Variants in GNAQ observed in about 807,000 individuals in gnomAD.
The protein encoded by GNAQ is guanine nucleotide-binding protein G(q) subunit alpha.
In GNAQ, 8 loss-of-function variants were observed where a neutral mutation model predicts 43.9. The ratio of observed to expected loss-of-function variants is 0.18; its 90% confidence interval spans 0.11 to 0.33. The LOEUF (loss-of-function observed/expected upper bound fraction) is 0.33, where lower values mean the gene tolerates loss of function less well. GNAQ is among the 10% of genes least tolerant of loss of function. The probability of loss-of-function intolerance (pLI) is 1.00; values close to 1 mark genes in which losing one functional copy is unlikely to be tolerated. For missense variants in GNAQ, 158 were observed against 450.8 expected (o/e 0.35, Z 5.88); for synonymous variants, 155 against 170.7 (o/e 0.91, Z 0.71).
chr9:77,765,622 G>A (rs190661440), intron 5 of GNAQ, among the ~76,000 whole-genome samples: 2 of 152,318 alleles, frequency 1.3e-5, no homozygotes, highest in East Asian at 3.9e-4. Flanking sequence ...TGTTGGCAAG[G>A]ATGTAGAGAA....
intron 2 of GNAQ, among the ~76,000 whole-genome samples, chr9:77,843,663 T>C (rs1033836367): frequency 5.3e-5 from 8 of 152,310 alleles, no homozygotes; most frequent in Admixed American, 3.9e-4. Flanking sequence ...TATTCTGAAA[T>C]TGGCTTTCGA....
intron 1 of GNAQ, among the ~76,000 whole-genome samples, chr9:77,986,867 T>G (rs1823445402): frequency 3.3e-5 from 5 of 150,790 alleles, no homozygotes; most frequent in Admixed American, 3.3e-4. Context: ...TTAAATTATT[T>G]ACATATGTGT....
chr9:77,843,181 G>A (rs1182368340), intron 2 of GNAQ, among the ~76,000 whole-genome samples: 1 of 152,170 alleles, frequency 6.6e-6, no homozygotes, highest in Non-Finnish European at 1.5e-5. Flanking sequence ...ATGTGGCACT[G>A]AAACAATGCA....
intron 5 of GNAQ, among the ~76,000 whole-genome samples, chr9:77,753,982 G>C (rs1825858559): frequency 6.6e-6 from 1 of 152,164 alleles, no homozygotes. Flanking sequence ...AACTTCTCTT[G>C]AAAGCAAAAT....
intron 1 of GNAQ, among the ~76,000 whole-genome samples, chr9:77,979,714 T>C (rs1205736995): frequency 6.6e-6 from 1 of 152,234 alleles, no homozygotes; most frequent in Non-Finnish European, 1.5e-5. Context: ...GATACTAAGA[T>C]ACTTTCACAA....
intron 2 of GNAQ, among the ~76,000 whole-genome samples, chr9:77,849,171 C>T (rs967310782): frequency 6.6e-5 from 10 of 152,118 alleles, no homozygotes; most frequent in African/African-American, 2.4e-4. Context: ...CAGCAAAGGA[C>T]GTCGATTATT....
intron 1 of GNAQ, among the ~76,000 whole-genome samples, chr9:77,953,482 C>A (rs1304402869): frequency 6.6e-6 from 1 of 151,960 alleles, no homozygotes; most frequent in East Asian, 1.9e-4. Context: ...GTGTGTTTTC[C>A]CCTTGGACCT....
chr9:77,951,832 TC>T (rs1822981967), intron 1 of GNAQ, among the ~76,000 whole-genome samples: 1 of 152,192 alleles, frequency 6.6e-6, no homozygotes, highest in Non-Finnish European at 1.5e-5. Flanking sequence ...AGCTCACATT[TC>T]AAATTTTCCT....
intron 2 of GNAQ, among the ~76,000 whole-genome samples, chr9:77,829,950 AT>A (rs1280646958): frequency 5.3e-5 from 8 of 149,704 alleles, no homozygotes; most frequent in East Asian, 2.0e-4. Flanking sequence ...GACATGACCA[AT>A]TTTTTTTTTC....
intron 1 of GNAQ, among the ~76,000 whole-genome samples, chr9:77,974,482 T>C (rs1425460730): frequency 1.3e-5 from 2 of 152,212 alleles, no homozygotes; most frequent in Admixed American, 1.3e-4. Context: ...GATACTGTTG[T>C]AAGGACTTTA....
intron 1 of GNAQ, among the ~76,000 whole-genome samples, chr9:77,973,732 C>T (rs1823266644): frequency 2.0e-5 from 3 of 152,064 alleles, no homozygotes; most frequent in South Asian, 2.1e-4. Context: ...GCAGGAGAAT[C>T]GCTTGAATGT....
chr9:77,757,059 T>C (rs543239670), intron 5 of GNAQ, among the ~76,000 whole-genome samples: 4 of 152,288 alleles, frequency 2.6e-5, no homozygotes, highest in Admixed American at 6.5e-5. Flanking sequence ...AATTAAAGGA[T>C]TGAGTTCATA....
intron 2 of GNAQ, among the ~76,000 whole-genome samples, chr9:77,893,511 A>G (rs1828438068): frequency 6.6e-6 from 1 of 152,218 alleles, no homozygotes; most frequent in South Asian, 2.1e-4. Context: ...AGAAATAACT[A>G]TAAGCATACT....
At chr9:77,928,141 G>A (rs1310823984) in intron 1 of GNAQ, among the ~76,000 whole-genome samples, 4 of 152,196 alleles carry the variant, frequency 2.6e-5, no homozygotes, top group African/African-American at 9.7e-5. Flanking sequence ...TCCATGTGTT[G>A]TCCACATTCC....
intron 2 of GNAQ, among the ~76,000 whole-genome samples, chr9:77,834,422 C>G (rs973845620): frequency 6.6e-6 from 1 of 152,112 alleles, no homozygotes; most frequent in African/African-American, 2.4e-5. Flanking sequence ...TTAGGCCAAC[C>G]TGAATTGAGA....
chr9:77,882,685 T>A (rs887436661), intron 2 of GNAQ, among the ~76,000 whole-genome samples: 1 of 151,780 alleles, frequency 6.6e-6, no homozygotes, highest in African/African-American at 2.4e-5. Context: ...TTTGGTGAGA[T>A]AGAAAAAAAG....
intron 5 of GNAQ, among the ~76,000 whole-genome samples, chr9:77,779,550 A>C (rs923287930): frequency 4.0e-5 from 6 of 151,740 alleles, no homozygotes; most frequent in African/African-American, 1.4e-4. Context: ...AAAATAAGTA[A>C]TAAAATTTAG....
At position 78,031,686 on chromosome 9, in the gene GNAQ, A is replaced by T. The variant is rs1260276192; in HGVS notation, c.-451T>A. ...GTGTCCCCGCAGCGAGCGGCCGCCG[A>T]CGGCTCCCCGCGCCCGGCGCGCCCG... is the stretch of plus-strand genomic sequence containing the variant. On this transcript the variant is annotated 5_prime_UTR_variant, in exon 1 of 7. Coordinates refer to ENST00000286548, the MANE Select transcript of GNAQ (RefSeq NM_002072.5). 6.8e-5 allele frequency among the ~76,000 whole-genome samples: 10 copies of T among 146,266 alleles called. No homozygotes were observed. The highest frequency in any genetic ancestry group is 1.5e-5 in the Non-Finnish European group (1 of 65,890).
chr9:77,878,548 C>T (rs937509994), intron 2 of GNAQ, among the ~76,000 whole-genome samples: 1 of 151,488 alleles, frequency 6.6e-6, no homozygotes, highest in African/African-American at 2.4e-5. Context: ...ATAAAATGCA[C>T]CTAATATGTT....
Sources: allele counts gnomAD v4.1 joint callset (sites outside exome capture counted in the v4.1 genomes callset), GRCh38; gene constraint gnomAD v4.1.1; transcripts MANE v1.5; gene names NCBI Gene and HGNC (gene_info 2026-07-23, HGNC 2026-07-21).